Variants in FANK1 observed in about 807,000 individuals in gnomAD.
FANK1 encodes fibronectin type 3 and ankyrin repeat domains protein 1.
FANK1 carries 44 observed loss-of-function variants against 45.3 expected under a neutral mutation model. The ratio of observed to expected loss-of-function variants is 0.97; its 90% CI spans 0.76 to 1.25. The LOEUF (loss-of-function observed/expected upper bound fraction) is 1.25, where lower values mean the gene tolerates loss of function less well. Among genes scored for constraint, FANK1 ranks in the 50% most tolerant of loss-of-function variants. The pLI is 0.00. For missense variants in FANK1, 391 were observed against 424.4 expected (o/e 0.92, Z 0.69); for synonymous variants, 149 against 152.5 (o/e 0.98, Z 0.17).
chr10:125,985,127 GA>G (rs1951470032), intron 2 of FANK1, among the ~76,000 whole-genome samples: 1 of 152,244 alleles, frequency 6.6e-6, no homozygotes, highest in African/African-American at 2.4e-5. Flanking sequence ...AGGGGTTATG[GA>G]GGTGCTGTTT....
intron 1 of FANK1, chr10:125,972,298 C>T (rs1950567717): frequency 6.6e-6 from 1 of 152,160 alleles, no homozygotes; most frequent in Admixed American, 6.5e-5. Context: ...CCGCCCCGGG[C>T]CTCTGCTCCA....
At chr10:125,908,372 A>C (rs1399186295) in intron 1 of FANK1, among the ~76,000 whole-genome samples, 3 of 152,222 alleles carry the variant, frequency 2.0e-5, no homozygotes, top group Non-Finnish European at 4.4e-5. Context: ...TCAGTGAACG[A>C]ATGGATAAAG....
At chr10:125,963,761 G>T (rs973261226) in intron 1 of FANK1, among the ~76,000 whole-genome samples, 1 of 152,110 alleles carries the variant, frequency 6.6e-6, no homozygotes, top group Admixed American at 6.6e-5. Context: ...GGGTAGGGGG[G>T]AGGGATAGCA....
chr10:125,992,552 C>T (rs888418686), intron 3 of FANK1, among the ~76,000 whole-genome samples: 5 of 152,148 alleles, frequency 3.3e-5, no homozygotes, highest in South Asian at 2.1e-4. Flanking sequence ...CTTTACCTCC[C>T]GTGGAAGCTG....
Position 126,008,510 on chromosome 10 carries a change from A to T in FANK1, c.809A>T (p.Asn270Ile), listed in dbSNP as rs1484024020. 1.9e-6 allele frequency: 3 copies of T among 1,613,524 alleles called. No individual in the cohort carries two copies. The highest frequency in any genetic ancestry group is 2.5e-6 in the Non-Finnish European group (3 of 1,179,842). Residue 270 changes from asparagine (N) to isoleucine (I), a missense_variant, in exon 8 of 11, where the codon AAT becomes ATT. Physicochemically the swap from Asn to Ile is moderately radical, Grantham distance 149. Transcript: ENST00000368693. ...VASLLIDAGA[N>I]VNVKDRNGKT... is the part of the protein sequence containing the mutation. ...TCTCTTCTAATTGATGCTGGGGCCA[A>T]TGTGAATGTGAAGGACAGAAATGGA...
rs775866249 is a variant in FANK1, at chr10:125,995,485, A to G, written c.385A>G (p.Ile129Val). ...GAATGATGAAGATTTGCTGGTCCGA[A>G]TACTTCAAGGAGGGTGAGAGAACTC... is the stretch of plus-strand genomic sequence containing the variant. ...SVNDEDLLVRILQGGRVKVDV... is the reference protein window; with the variant it reads ...SVNDEDLLVRVLQGGRVKVDV... The change falls in exon 4 of 11, where the codon ATA (isoleucine) becomes GTA (valine). Residue 129 changes from isoleucine (I) to valine (V), a missense_variant. Physicochemically the swap from Ile to Val is conservative, Grantham distance 29. Coordinates refer to ENST00000368693, the MANE Select transcript of FANK1 (RefSeq NM_145235.5). 1.5e-5 allele frequency: 24 copies of G among 1,614,094 alleles called. No homozygotes were observed. The highest frequency in any genetic ancestry group is 1.9e-5 in the Non-Finnish European group (23 of 1,180,046).
At chr10:125,980,807 G>A (rs1012147740) in intron 2 of FANK1, 37 of 154,680 alleles carry the variant, frequency 2.4e-4, no homozygotes, top group African/African-American at 4.8e-4. Flanking sequence ...GATCTTGCTC[G>A]TTGCTGTGGT....
intron 1 of FANK1, among the ~76,000 whole-genome samples, chr10:125,904,717 T>C (rs1945336186): frequency 1.3e-5 from 2 of 152,170 alleles, no homozygotes; most frequent in Admixed American, 6.5e-5. Context: ...CTTGTGTTCA[T>C]GTGACTGATG....
intron 1 of FANK1, among the ~76,000 whole-genome samples, chr10:125,926,969 T>C (rs2134136711): frequency 6.6e-6 from 1 of 152,374 alleles, no homozygotes; most frequent in South Asian, 2.1e-4. Flanking sequence ...AAGAAATGGA[T>C]ATGACCAGCA....
chr10:125,949,070 C>G (rs1028867698), intron 1 of FANK1, among the ~76,000 whole-genome samples: 2 of 147,154 alleles, frequency 1.4e-5, no homozygotes, highest in East Asian at 1.9e-4. Flanking sequence ...ATTCAACAAC[C>G]CTTCATGCTA....
At chr10:125,926,565 TTGAG>T (rs1265062836) in intron 1 of FANK1, among the ~76,000 whole-genome samples, 4 of 152,302 alleles carry the variant, frequency 2.6e-5, no homozygotes, top group Admixed American at 6.5e-5. Context: ...TATTTTGAGA[TTGAG>T]TTTTTTTATT....
At chr10:126,006,799 G>GCA (rs1468501511) in intron 7 of FANK1, among the ~76,000 whole-genome samples, 2 of 152,204 alleles carry the variant, frequency 1.3e-5, no homozygotes, top group African/African-American at 4.8e-5. Flanking sequence ...GGTGGAGGTT[G>GCA]CAGTGAGCCA....
intron 1 of FANK1, among the ~76,000 whole-genome samples, chr10:125,976,282 A>G (rs75226794): frequency 6.6e-6 from 1 of 152,256 alleles, no homozygotes; most frequent in East Asian, 1.9e-4. Flanking sequence ...CCTGACAATT[A>G]TGTGTCTTGA....
chr10:125,995,152 A>G lies in FANK1; in HGVS notation c.317-265A>G, dbSNP rs111290256. Among the ~76,000 whole-genome samples the G allele has an allele frequency of 4.9e-3, 744 of 152,308 alleles. 7 individuals carry two copies. The highest frequency in any genetic ancestry group is 0.016 in the African/African-American group (678 of 41,556). On this transcript the variant is annotated intron_variant, in intron 3 of 10. Coordinates refer to ENST00000368693, the MANE Select transcript of FANK1 (RefSeq NM_145235.5). ...ATGAAATCTGAAAGGATTATTTCCA[A>G]ATATCAAAGTAACATTCACAAAGCA...
intron 1 of FANK1, among the ~76,000 whole-genome samples, chr10:125,912,395 C>T (rs1219769082): frequency 2.0e-5 from 3 of 151,690 alleles, no homozygotes; most frequent in African/African-American, 2.4e-5. Flanking sequence ...TCATCATTAC[C>T]TCCATTTCTC....
At chr10:125,989,491 C>A in intron 3 of FANK1, 1 of 884,434 alleles carries the variant, frequency 1.1e-6, no homozygotes, top group Non-Finnish European at 1.9e-6. Flanking sequence ...TTAGGCATTT[C>A]TTCATTACAA....
chr10:125,922,571 C>G (rs1947018696), intron 1 of FANK1, among the ~76,000 whole-genome samples: 2 of 152,196 alleles, frequency 1.3e-5, no homozygotes, highest in Non-Finnish European at 2.9e-5. Context: ...GGCTGGAGCA[C>G]AGTGGCATGA....
chr10:125,952,319 T>G (rs377663853), intron 1 of FANK1, among the ~76,000 whole-genome samples: 3 of 152,196 alleles, frequency 2.0e-5, no homozygotes, highest in African/African-American at 7.2e-5. Context: ...TGCTTAAAAT[T>G]GTAAAACTTT....
chr10:125,972,439 G>A (rs1384905750), intron 1 of FANK1: 1 of 152,140 alleles, frequency 6.6e-6, no homozygotes, highest in African/African-American at 2.4e-5. Context: ...CAAAGAGAAA[G>A]TAGAAAGTAT....
Sources: gnomAD v4.1 joint callset for allele counts (sites outside exome capture counted in the v4.1 genomes callset) on GRCh38, gnomAD v4.1.1 for gene constraint, MANE v1.5 for transcripts, NCBI Gene and HGNC (gene_info 2026-07-23, HGNC 2026-07-21) for gene names.